The following SLC22A15 variants were observed in gnomAD, a reference collection of about 807,000 sequenced individuals.
SLC22A15 encodes the protein solute carrier family 22 member 15.
SLC22A15 carries 45 observed loss-of-function variants against 62.7 expected under a neutral mutation model. The ratio of observed to expected loss-of-function variants is 0.72; its 90% CI spans 0.56 to 0.92. The LOEUF (loss-of-function observed/expected upper bound fraction) is 0.92. Among genes scored for constraint, SLC22A15 ranks in the 40% least tolerant of loss-of-function variants. SLC22A15 has a pLI of 0.00. For synonymous variants in SLC22A15, 264 were observed against 267.0 expected, an observed-to-expected ratio of 0.99 and a Z score of 0.11; for missense variants, 622 against 665.6, an observed-to-expected ratio of 0.93 and a Z score of 0.72.
intron 8 of SLC22A15, among the ~76,000 whole-genome samples, chr1:116,041,599 C>T (rs537612818): frequency 6.6e-6 from 1 of 152,232 alleles, no homozygotes; most frequent in African/African-American, 2.4e-5. Flanking sequence ...AACCACAGTG[C>T]AGGGAAGGGA....
intron 8 of SLC22A15, among the ~76,000 whole-genome samples, chr1:116,039,702 A>G (rs751146081): frequency 3.9e-5 from 6 of 152,172 alleles, no homozygotes; most frequent in Non-Finnish European, 7.3e-5. Context: ...GAGAGAATAT[A>G]TGGTCACCTT....
chr1:116,038,297 G>T (rs779610220), intron 8 of SLC22A15, among the ~76,000 whole-genome samples: 11 of 152,184 alleles, frequency 7.2e-5, no homozygotes, highest in Non-Finnish European at 1.5e-4. Context: ...AATGCATGAA[G>T]AATTCATTTT....
At chr1:116,039,604 T>C (rs1004474847) in intron 8 of SLC22A15, among the ~76,000 whole-genome samples, 1 of 152,122 alleles carries the variant, frequency 6.6e-6, no homozygotes, top group Non-Finnish European at 1.5e-5. Context: ...TTTTAATAAA[T>C]AATTTCTATA....
chr1:115,988,360 G>T (rs931095696), intron 1 of SLC22A15, among the ~76,000 whole-genome samples: 3 of 152,108 alleles, frequency 2.0e-5, no homozygotes, highest in Non-Finnish European at 2.9e-5. Context: ...GGGGGGAAAG[G>T]AATACTATGT....
At chr1:115,995,948 A>G (rs1023965257) in intron 2 of SLC22A15, among the ~76,000 whole-genome samples, 1 of 152,220 alleles carries the variant, frequency 6.6e-6, no homozygotes, top group African/African-American at 2.4e-5. Flanking sequence ...GTATAATATC[A>G]TAACTGAGAT....
intron 2 of SLC22A15, among the ~76,000 whole-genome samples, chr1:116,005,566 G>T (rs534125153): frequency 1.3e-5 from 2 of 152,218 alleles, no homozygotes; most frequent in African/African-American, 4.8e-5. Flanking sequence ...TGTCTTGCAG[G>T]CTTGAGAAGT....
Position 115,996,096 on chromosome 1 carries a change from T to C in SLC22A15, c.300+3853T>C, listed in dbSNP as rs181382717. 9.8e-5 allele frequency among the ~76,000 whole-genome samples: 15 copies of C among 152,334 alleles called. No individual in the cohort carries two copies. The East Asian group carries it at 2.9e-3, about 29-fold the overall frequency. On this transcript the variant is annotated intron_variant, in intron 2 of 11. Transcript: ENST00000369503. ...CGCTAGTAACCACTGATCTGCCTTC[T>C]TATACTATGAGTCTTTCATTTTAAG...
At chr1:116,038,811 G>C (rs1657701305) in intron 8 of SLC22A15, among the ~76,000 whole-genome samples, 1 of 152,068 alleles carries the variant, frequency 6.6e-6, no homozygotes, top group African/African-American at 2.4e-5. Flanking sequence ...TAATAGTCCA[G>C]CTTTCTGTTT....
intron 6 of SLC22A15, chr1:116,032,640 C>T: frequency 3.0e-6 from 3 of 985,222 alleles, no homozygotes; most frequent in Non-Finnish European, 3.6e-6. Context: ...GCTGCTTTCC[C>T]CCACAGAACC....
In SLC22A15 at chr1:116,031,598, G is replaced by A. The variant is rs1350711692; in HGVS notation, c.944+17G>A. The stretch of plus-strand genomic sequence containing the variant: ...GTTCATCTGGTAATTATACTAAGGC[G>A]TGTTCTGTTGCTCTTTAACTAAGGT... On this transcript the variant is annotated intron_variant, in intron 6 of 11. Coordinates refer to ENST00000369503, the MANE Select transcript of SLC22A15 (RefSeq NM_018420.3). 10 of 1,611,262 alleles carry A rather than the reference G, an allele frequency of 6.2e-6. No individual in the cohort carries two copies. Among genetic ancestry groups the A allele is most frequent in the Non-Finnish European group, 8.5e-6 (10 of 1,178,062 alleles).
chr1:116,015,234 T>TG (rs1252326810), intron 2 of SLC22A15: 1 of 152,210 alleles, frequency 6.6e-6, no homozygotes, highest in African/African-American at 2.4e-5. Flanking sequence ...CAGGGAGATC[T>TG]GGGTTCCAGC....
chr1:116,009,858 C>T (rs911012918), intron 2 of SLC22A15, among the ~76,000 whole-genome samples: 10 of 152,044 alleles, frequency 6.6e-5, no homozygotes, highest in Admixed American at 1.3e-4. Context: ...CCTGTTGACC[C>T]GTCACATAAA....
intron 8 of SLC22A15, among the ~76,000 whole-genome samples, chr1:116,053,020 G>A (rs867637567): frequency 2.0e-5 from 3 of 152,218 alleles, no homozygotes; most frequent in East Asian, 1.9e-4. Flanking sequence ...CCAAAGGAAC[G>A]CAGTTCCTCA....
At position 116,020,758 on chromosome 1, in the gene SLC22A15, A is replaced by C; in HGVS notation, c.471A>C (p.Gly157=). The change falls in exon 4 of 12, where the codon GGA becomes GGC. Residue 157 remains glycine (G), a synonymous_variant. Transcript: ENST00000369503. The part of the protein sequence containing the change: ...ALDILFAIAN[G]FSPSYEFFAV... ...ACATCTTATTTGCAATTGCAAATGG[A>C]TTTTCCCCCTCATATGAGTTCTTTG... 1 of 1,612,444 alleles carries C rather than the reference A, an allele frequency of 6.2e-7. No individual in the cohort carries two copies. Among genetic ancestry groups the C allele is most frequent in the Non-Finnish European group, 8.5e-7 (1 of 1,179,082 alleles).
chr1:116,021,762 C>A (rs1557891496), intron 4 of SLC22A15, among the ~76,000 whole-genome samples: 1 of 152,150 alleles, frequency 6.6e-6, no homozygotes, highest in Non-Finnish European at 1.5e-5. Flanking sequence ...GTTAAGGATT[C>A]CTACCTTCAT....
chr1:116,027,464 A>G, intron 5 of SLC22A15: 1 of 464,138 alleles, frequency 2.2e-6, no homozygotes, highest in Admixed American at 2.1e-5. Flanking sequence ...TTGACTCTGG[A>G]AGAGTCTTAG....
intron 6 of SLC22A15, among the ~76,000 whole-genome samples, chr1:116,034,538 G>A (rs371938391): frequency 6.6e-6 from 1 of 152,164 alleles, no homozygotes; most frequent in Admixed American, 6.5e-5. Context: ...CCCTTCCTCG[G>A]TTGTTCCTCC....
At chr1:116,005,801 C>T (rs1298146426) in intron 2 of SLC22A15, among the ~76,000 whole-genome samples, 1 of 152,098 alleles carries the variant, frequency 6.6e-6, no homozygotes, top group Non-Finnish European at 1.5e-5. Flanking sequence ...AGTACCTACA[C>T]ATTGGATTAT....
At chr1:116,064,782 C>G (rs147463143) in intron 10 of SLC22A15, among the ~76,000 whole-genome samples, 45 of 152,186 alleles carry the variant, frequency 3.0e-4, no homozygotes, top group African/African-American at 1.0e-3. Context: ...AAAAGTTAGT[C>G]AACTAATAAG....
Sources: gnomAD v4.1 joint callset for allele counts (sites outside exome capture counted in the v4.1 genomes callset) on GRCh38, gnomAD v4.1.1 for gene constraint, MANE v1.5 for transcripts, NCBI Gene and HGNC (gene_info 2026-07-23, HGNC 2026-07-21) for gene names.